The following SH3GL3 variants were observed in gnomAD, a reference collection of about 807,000 sequenced individuals.
SH3GL3 encodes endophilin-A3.
A neutral mutation model predicts 47.7 loss-of-function variants in SH3GL3; 33 were observed. The ratio of observed to expected loss-of-function variants is 0.69; its 90% confidence interval spans 0.52 to 0.92. The LOEUF is 0.92. Among genes scored for constraint, SH3GL3 ranks in the 40% least tolerant of loss-of-function variants. The probability of loss-of-function intolerance (pLI) is 0.00; values close to 1 mark genes in which losing one functional copy is unlikely to be tolerated. For missense variants in SH3GL3, 363 were observed against 417.8 expected, an observed-to-expected ratio of 0.87 and a Z score of 1.14; for synonymous variants, 155 against 148.8, an observed-to-expected ratio of 1.04 and a Z score of -0.30.
At chr15:83,528,420 G>T (rs2043519557) in intron 1 of SH3GL3, among the ~76,000 whole-genome samples, 1 of 152,032 alleles carries the variant, frequency 6.6e-6, no homozygotes, top group African/African-American at 2.4e-5. Flanking sequence ...TCATTTTCTG[G>T]ATCATCCAGA....
chr15:83,518,113 G>C (rs1399945210), intron 1 of SH3GL3, among the ~76,000 whole-genome samples: 1 of 152,180 alleles, frequency 6.6e-6, no homozygotes, highest in African/African-American at 2.4e-5. Flanking sequence ...GTATTCCATG[G>C]TGTGCAAGTA....
chr15:83,477,487 T>A (rs1337597238), intron 1 of SH3GL3, among the ~76,000 whole-genome samples: 1 of 152,216 alleles, frequency 6.6e-6, no homozygotes, highest in Non-Finnish European at 1.5e-5. Flanking sequence ...GTATGTAGAT[T>A]ATAATTTGTG....
chr15:83,553,560 T>C (rs574015091), intron 1 of SH3GL3, among the ~76,000 whole-genome samples: 1 of 152,358 alleles, frequency 6.6e-6, no homozygotes, highest in African/African-American at 2.4e-5. Flanking sequence ...AACAGTGTGC[T>C]GGTATGGATA....
chr15:83,610,979 A>AT (rs1289307331), intron 8 of SH3GL3, among the ~76,000 whole-genome samples: 305 of 120,514 alleles, frequency 2.5e-3, no homozygotes, highest in Non-Finnish European at 4.3e-3. Flanking sequence ...TTCAGCCAAA[A>AT]AATATATATA....
intron 1 of SH3GL3, among the ~76,000 whole-genome samples, chr15:83,548,296 T>C (rs1234058370): frequency 6.6e-6 from 1 of 151,214 alleles, no homozygotes; most frequent in African/African-American, 2.4e-5. Flanking sequence ...CCTATTTTCT[T>C]ATTTCCATTT....
At chr15:83,507,155 A>G (rs150243833) in intron 1 of SH3GL3, among the ~76,000 whole-genome samples, 2,369 of 151,458 alleles carry the variant, frequency 0.016, 58 homozygotes, top group African/African-American at 0.051. Flanking sequence ...ACAGGCGCCC[A>G]CCACCATGCC....
chr15:83,592,251 T>C (rs1342162900), intron 8 of SH3GL3, among the ~76,000 whole-genome samples: 2 of 152,192 alleles, frequency 1.3e-5, no homozygotes, highest in Non-Finnish European at 2.9e-5. Context: ...CTCCCTCCCT[T>C]CACCCTTCCA....
At chr15:83,546,677 C>G (rs1413543654) in intron 1 of SH3GL3, among the ~76,000 whole-genome samples, 1 of 151,972 alleles carries the variant, frequency 6.6e-6, no homozygotes, top group Admixed American at 6.5e-5. Flanking sequence ...TTGCCAAGGC[C>G]TGTGATGACT....
chr15:83,571,589 T>C (rs1031965507), intron 4 of SH3GL3, among the ~76,000 whole-genome samples: 1 of 151,810 alleles, frequency 6.6e-6, no homozygotes, highest in Non-Finnish European at 1.5e-5. Context: ...GTTTTTTTTT[T>C]AAGGGAGGTG....
At chr15:83,492,551 A>C (rs1041679051) in intron 1 of SH3GL3, among the ~76,000 whole-genome samples, 2 of 152,184 alleles carry the variant, frequency 1.3e-5, no homozygotes, top group Non-Finnish European at 2.9e-5. Flanking sequence ...GTGTGCCAGG[A>C]ACACCTGTGA....
chr15:83,517,387 G>A (rs1252470725), intron 1 of SH3GL3, among the ~76,000 whole-genome samples: 1 of 151,456 alleles, frequency 6.6e-6, no homozygotes, highest in Non-Finnish European at 1.5e-5. Flanking sequence ...GTATTTTTTA[G>A]TAGAGATGGG....
chr15:83,508,790 A>G (rs2042623850), intron 1 of SH3GL3, among the ~76,000 whole-genome samples: 1 of 151,774 alleles, frequency 6.6e-6, no homozygotes, highest in Non-Finnish European at 1.5e-5. Flanking sequence ...CTGGTTGGCC[A>G]CCATCATGTT....
intron 6 of SH3GL3, among the ~76,000 whole-genome samples, chr15:83,582,283 G>A (rs1253440319): frequency 6.6e-6 from 1 of 152,168 alleles, no homozygotes; most frequent in Non-Finnish European, 1.5e-5. Context: ...CCAGGCACCT[G>A]CAGTACTGGC....
At chr15:83,624,084 G>A in the SH3GL3 span, among the ~76,000 whole-genome samples, 1 of 152,204 alleles carries the variant, frequency 6.6e-6, no homozygotes, top group East Asian at 1.9e-4. Flanking sequence ...GCTCCTGACA[G>A]GCACATCTTC....
At chr15:83,605,756 G>T (rs2060498172) in intron 8 of SH3GL3, among the ~76,000 whole-genome samples, 1 of 152,158 alleles carries the variant, frequency 6.6e-6, no homozygotes, top group African/African-American at 2.4e-5. Flanking sequence ...AGAAACGAGT[G>T]CCTGTCCAAG....
At chr15:83,449,378 T>TGAGCA (rs201654878) in intron 1 of SH3GL3, among the ~76,000 whole-genome samples, 60 of 152,284 alleles carry the variant, frequency 3.9e-4, no homozygotes, top group African/African-American at 1.3e-3. Flanking sequence ...AGTGCTGCTG[T>TGAGCA]GAGCAGAGCA....
At chr15:83,602,459 C>T (rs1276034326) in intron 8 of SH3GL3, among the ~76,000 whole-genome samples, 1 of 152,124 alleles carries the variant, frequency 6.6e-6, no homozygotes, top group Non-Finnish European at 1.5e-5. Flanking sequence ...CTAGCTGTGT[C>T]CTCACATGGC....
At chr15:83,552,664 T>A (rs978009694) in intron 1 of SH3GL3, among the ~76,000 whole-genome samples, 12 of 152,334 alleles carry the variant, frequency 7.9e-5, no homozygotes, top group African/African-American at 2.6e-4. Context: ...ATACATTTTT[T>A]AAATTTATTG....
intron 1 of SH3GL3, among the ~76,000 whole-genome samples, chr15:83,473,839 G>T (rs1486400668): frequency 2.7e-5 from 4 of 149,146 alleles, no homozygotes; most frequent in African/African-American, 9.8e-5. Flanking sequence ...GAGCCACCGC[G>T]CCCGGCCTGT....
Sources: allele counts gnomAD v4.1 joint callset (sites outside exome capture counted in the v4.1 genomes callset), GRCh38; gene constraint gnomAD v4.1.1; transcripts MANE v1.5; gene names NCBI Gene and HGNC (gene_info 2026-07-23, HGNC 2026-07-21).